The following TMEM123 variants were observed in gnomAD, a reference collection of about 807,000 sequenced individuals.
TMEM123 encodes porimin.
Under a neutral mutation model 19.7 loss-of-function variants are expected in TMEM123, and 16 were observed. The ratio of observed to expected loss-of-function variants is 0.81; its 90% confidence interval spans 0.55 to 1.23. The LOEUF is 1.23. Among genes scored for constraint, TMEM123 ranks in the 50% most tolerant of loss-of-function variants. TMEM123 has a pLI of 0.00. For synonymous variants in TMEM123, 118 were observed against 99.4 expected (o/e 1.19, Z -1.12); for missense variants, 313 against 257.8 (o/e 1.21, Z -1.47).
At chr11:102,399,957 G>C (rs546361) in intron 4 of TMEM123, among the ~76,000 whole-genome samples, 10,923 of 124,714 alleles carry the variant, frequency 0.088, 467 homozygotes, top group African/African-American at 0.11. Flanking sequence ...GCAACAAGAG[G>C]GAAACTCCAT....
chr11:102,422,012 AT>A (rs1392834782), intron 2 of TMEM123, among the ~76,000 whole-genome samples: 2 of 152,216 alleles, frequency 1.3e-5, no homozygotes, highest in Non-Finnish European at 2.9e-5. Context: ...TGCTCTTGTC[AT>A]TAGTTTAGTG....
chr11:102,402,247 T>A (rs977259078), intron 2 of TMEM123, 41 bp from the exon 3 acceptor site: 3 of 1,589,800 alleles, frequency 1.9e-6, no homozygotes, highest in Non-Finnish European at 1.7e-6. Context: ...GAGCTATGAT[T>A]TAGGGAATAA....
At chr11:102,401,451 T>G (rs1951911526) in intron 4 of TMEM123, 88 bp downstream of exon 4, 26 of 1,243,052 alleles carry the variant, frequency 2.1e-5, no homozygotes, top group African/African-American at 3.1e-5. Flanking sequence ...TATTCATCCC[T>G]GAGATGAGCA....
Position 102,452,548 on chromosome 11 carries a change from C to A in TMEM123, c.76G>T (p.Ala26Ser), listed in dbSNP as rs1591570940. ...CCCGCCATGGCTGCGCTTTCATGGG[C>A]GGCCCCCAGCAGCGCTAGCACCTGC... ...TLQVLALLGA[A>S]HESAAMAASA... Residue 26 changes from alanine (A) to serine (S), a missense_variant, in exon 1 of 5, where the codon GCC becomes TCC. Coordinates refer to ENST00000398136, the MANE Select transcript of TMEM123 (RefSeq NM_052932.3). The A allele has an allele frequency of 3.2e-6, 5 of 1,561,918 alleles. No homozygotes were observed. The highest frequency in any genetic ancestry group is 4.7e-5 in the East Asian group (2 of 42,186).
At chr11:102,401,480 A>G (rs1951911794) in intron 4 of TMEM123, 59 bp downstream of exon 4, 5 of 1,435,704 alleles carry the variant, frequency 3.5e-6, no homozygotes, top group Admixed American at 2.6e-5. Context: ...ATATTCTATC[A>G]TAATTAAAGA....
At chr11:102,419,782 TG>T (rs1343692356) in intron 2 of TMEM123, among the ~76,000 whole-genome samples, 1 of 152,044 alleles carries the variant, frequency 6.6e-6, no homozygotes, top group Non-Finnish European at 1.5e-5. Flanking sequence ...TAAGATGGGG[TG>T]GGTAGTTCTG....
rs752268546 is a variant in TMEM123 at position 102,402,196 on chromosome 11, T to G, written c.168A>C (p.Gln56His). ...CATTTGTATGGTCAGAAGGCACATG[T>G]TGGAGAGTCTCTGCAATAATATCAA... ...NSSANSTETL[Q>H]HVPSDHTNET... The change falls in exon 3 of 5, where the codon CAA becomes CAC. Residue 56 changes from glutamine (Q) to histidine (H), a missense_variant. Coordinates refer to ENST00000398136, the MANE Select transcript of TMEM123 (RefSeq NM_052932.3). 6 of 1,613,476 alleles carry G rather than the reference T, an allele frequency of 3.7e-6. No homozygotes were observed. The African/African-American group carries it at 8.0e-5, about 22-fold the overall frequency.
chr11:102,413,831 ACT>A (rs1952024010), intron 2 of TMEM123, among the ~76,000 whole-genome samples: 1 of 152,204 alleles, frequency 6.6e-6, no homozygotes, highest in Admixed American at 6.5e-5. Context: ...AAAGAACCAT[ACT>A]GCCTCTCCAG....
Position 102,402,218 on chromosome 11 carries a change from T to G in TMEM123, c.158-12A>C, listed in dbSNP as rs772119753. 21 of 1,609,184 alleles carry G rather than the reference T, an allele frequency of 1.3e-5. No individual in the cohort carries two copies. The African/African-American group carries it at 2.4e-4, about 18-fold the overall frequency. ...ATGTTGGAGAGTCTCTGCAATAATA[T>G]CAAGAAACATTAAAACCAGAGCTAT... On this transcript the variant is annotated splice_polypyrimidine_tract_variant and intron_variant, in intron 2 of 4. Coordinates refer to ENST00000398136, the MANE Select transcript of TMEM123 (RefSeq NM_052932.3).
chr11:102,396,732 G>GTATT lies in TMEM123; in HGVS notation c.*2131_*2134dup, dbSNP rs1951859300. ...AAAAAAACCTACATTCAAAGTACGG[G>GTATT]TATTTGAAAGTAACAAATTATACTA... On this transcript the variant is annotated 3_prime_UTR_variant, in exon 5 of 5. Coordinates refer to ENST00000398136, the MANE Select transcript of TMEM123 (RefSeq NM_052932.3). The GTATT allele has an allele frequency of 6.6e-6, 1 of 152,136 alleles. No individual in the cohort carries two copies. The highest frequency in any genetic ancestry group is 1.5e-5 in the Non-Finnish European group (1 of 68,018). The allele number at this position is 152,136 out of a possible 1,614,324, so 9.4% of individuals were successfully genotyped here. A position where few individuals can be genotyped will look rare whatever the true frequency, so the allele number is the denominator to read the frequency against.
chr11:102,398,961 G>GT, intron 4 of TMEM123, 70 bp from the exon 5 acceptor site: 1 of 1,367,404 alleles, frequency 7.3e-7, no homozygotes, highest in Non-Finnish European at 1.0e-6. Context: ...GTTCCTATTT[G>GT]TTAGTAAAGT....
chr11:102,439,948 A>G (rs1857806918), intron 2 of TMEM123, among the ~76,000 whole-genome samples: 1 of 152,250 alleles, frequency 6.6e-6, no homozygotes, highest in Admixed American at 6.5e-5. Flanking sequence ...AAAGTGTATC[A>G]GTGATTGAAG....
chr11:102,449,070 A>C (rs1027256547), intron 1 of TMEM123: 2 of 522,114 alleles, frequency 3.8e-6, no homozygotes, highest in African/African-American at 3.9e-5. Context: ...AGGTTTTTCA[A>C]GATAAACATC....
intron 2 of TMEM123, among the ~76,000 whole-genome samples, chr11:102,410,891 C>T (rs1214724931): frequency 1.3e-5 from 2 of 152,176 alleles, no homozygotes; most frequent in Non-Finnish European, 1.5e-5. Context: ...AATTTCCTTT[C>T]TATCGAACAC....
At chr11:102,421,042 A>C (rs1952081694) in intron 2 of TMEM123, among the ~76,000 whole-genome samples, 1 of 152,180 alleles carries the variant, frequency 6.6e-6, no homozygotes, top group African/African-American at 2.4e-5. Flanking sequence ...GCAAGACTCC[A>C]TCTCGAAAGA....
chr11:102,413,885 A>G (rs1952024360), intron 2 of TMEM123, among the ~76,000 whole-genome samples: 2 of 152,240 alleles, frequency 1.3e-5, no homozygotes, highest in South Asian at 4.1e-4. Context: ...AACATCAGAC[A>G]TGGAATTAAG....
chr11:102,417,476 A>G (rs1309954763), intron 2 of TMEM123, among the ~76,000 whole-genome samples: 1 of 152,224 alleles, frequency 6.6e-6, no homozygotes, highest in Non-Finnish European at 1.5e-5. Context: ...CTCTACAACG[A>G]GAATTATGAA....
chr11:102,449,832 TAGG>T (rs1857920751), intron 1 of TMEM123, among the ~76,000 whole-genome samples: 1 of 152,188 alleles, frequency 6.6e-6, no homozygotes, highest in Admixed American at 6.5e-5. Context: ...CAACAATTCT[TAGG>T]AGTATTGTTT....
At chr11:102,439,223 C>T (rs112665549) in intron 2 of TMEM123, among the ~76,000 whole-genome samples, 1 of 152,158 alleles carries the variant, frequency 6.6e-6, no homozygotes, top group Non-Finnish European at 1.5e-5. Context: ...ACTTGCTTGT[C>T]TGACAGCTTT....
Sources: allele counts gnomAD v4.1 joint callset (sites outside exome capture counted in the v4.1 genomes callset), GRCh38; gene constraint gnomAD v4.1.1; transcripts MANE v1.5; gene names NCBI Gene and HGNC (gene_info 2026-07-23, HGNC 2026-07-21).